STPG2: variants seen among roughly 807,000 people sequenced by gnomAD.
STPG2 encodes the protein sperm-tail PG-rich repeat-containing protein 2.
In STPG2, 56 loss-of-function variants were observed where a neutral mutation model predicts 54.2. That is an observed-to-expected ratio of 1.03 (90% CI 0.83 to 1.29). The LOEUF (loss-of-function observed/expected upper bound fraction) is 1.29, where lower values mean the gene tolerates loss of function less well. Ranked by LOEUF, STPG2 falls within the 50% of genes most tolerant of loss-of-function variation. The pLI is 0.00. For missense variants in STPG2, 596 were observed against 544.9 expected (o/e 1.09, Z -0.93); for synonymous variants, 200 against 181.8 (o/e 1.10, Z -0.81).
intron 9 of STPG2, among the ~76,000 whole-genome samples, chr4:97,819,000 AG>A (rs1728002574): frequency 2.0e-5 from 3 of 148,356 alleles, no homozygotes; most frequent in Non-Finnish European, 4.5e-5. Flanking sequence ...ATATATAAAA[AG>A]TGTCCAAAGA....
At chr4:97,464,770 A>G (rs1729749443) in intron 4 of STPG2, among the ~76,000 whole-genome samples, 1 of 152,182 alleles carries the variant, frequency 6.6e-6, no homozygotes, top group Non-Finnish European at 1.5e-5. Flanking sequence ...GAATTGAATT[A>G]TTCTTTAACA....
At chr4:97,662,056 G>A (rs142439837) in intron 10 of STPG2, among the ~76,000 whole-genome samples, 53 of 152,232 alleles carry the variant, frequency 3.5e-4, no homozygotes, top group African/African-American at 1.3e-3. Context: ...AAACTAAAAA[G>A]CATTTTCATG....
At chr4:97,815,022 G>A (rs577803494) in intron 9 of STPG2, among the ~76,000 whole-genome samples, 1 of 152,180 alleles carries the variant, frequency 6.6e-6, no homozygotes, top group South Asian at 2.1e-4. Flanking sequence ...CAATGCAAAA[G>A]CACAACCACC....
intron 9 of STPG2, among the ~76,000 whole-genome samples, chr4:97,750,428 CA>C (rs1461981179): frequency 6.6e-6 from 1 of 151,602 alleles, no homozygotes; most frequent in East Asian, 1.9e-4. Flanking sequence ...TGAGGAGTTT[CA>C]AATGATCTAA....
At chr4:98,038,346 T>C (rs529331052) in intron 5 of STPG2, among the ~76,000 whole-genome samples, 2 of 152,234 alleles carry the variant, frequency 1.3e-5, no homozygotes, top group Non-Finnish European at 2.9e-5. Context: ...AAAAATAGTG[T>C]GGTATTGGTT....
At chr4:98,086,507 ATTCAT>A (rs781504006) in intron 5 of STPG2, among the ~76,000 whole-genome samples, 4 of 152,050 alleles carry the variant, frequency 2.6e-5, no homozygotes, top group Admixed American at 1.3e-4. Flanking sequence ...ACCAAAACAA[ATTCAT>A]TTCATTTTTA....
intron 10 of STPG2, among the ~76,000 whole-genome samples, chr4:97,573,649 T>C (rs146822229): frequency 2.6e-5 from 4 of 152,126 alleles, no homozygotes; most frequent in African/African-American, 9.7e-5. Context: ...TTTAAAACAA[T>C]GATATTTGAA....
At chr4:97,744,792 A>G (rs1216771832) in intron 9 of STPG2, among the ~76,000 whole-genome samples, 1 of 151,460 alleles carries the variant, frequency 6.6e-6, no homozygotes, top group Non-Finnish European at 1.5e-5. Flanking sequence ...ATATACTGTA[A>G]TATTTTCAGA....
chr4:97,874,148 G>T (rs755694321), intron 8 of STPG2, among the ~76,000 whole-genome samples: 25 of 151,520 alleles, frequency 1.6e-4, no homozygotes, highest in Non-Finnish European at 3.0e-4. Context: ...AAAATAAAGG[G>T]TTAATTTTAA....
At chr4:97,536,421 C>T (rs762143547) in intron 4 of STPG2, among the ~76,000 whole-genome samples, 2 of 152,184 alleles carry the variant, frequency 1.3e-5, no homozygotes, top group Non-Finnish European at 1.5e-5. Context: ...TCCCCTTGAG[C>T]TCTGTCTCTC....
At chr4:97,675,645 T>C (rs1267505335) in intron 10 of STPG2, among the ~76,000 whole-genome samples, 1 of 151,878 alleles carries the variant, frequency 6.6e-6, no homozygotes, top group African/African-American at 2.4e-5. Context: ...TCTTCTTTGT[T>C]CTGTTTTGTT....
intron 9 of STPG2, among the ~76,000 whole-genome samples, chr4:97,829,082 C>T (rs757316437): frequency 6.6e-6 from 1 of 152,180 alleles, no homozygotes; most frequent in African/African-American, 2.4e-5. Context: ...GACTGGGAGA[C>T]ATCTCCGAGT....
At chr4:98,014,236 T>A (rs924100604) in intron 5 of STPG2, among the ~76,000 whole-genome samples, 1 of 152,252 alleles carries the variant, frequency 6.6e-6, no homozygotes, top group East Asian at 1.9e-4. Context: ...TACCCATGAG[T>A]CATTCAGGAG....
At chr4:97,450,128 A>C (rs930742481) in intron 4 of STPG2, among the ~76,000 whole-genome samples, 1 of 152,166 alleles carries the variant, frequency 6.6e-6, no homozygotes, top group Non-Finnish European at 1.5e-5. Context: ...ACTAAAGAGA[A>C]TTATACATAT....
At chr4:98,081,109 G>C (rs906350765) in intron 5 of STPG2, among the ~76,000 whole-genome samples, 2 of 152,182 alleles carry the variant, frequency 1.3e-5, no homozygotes, top group African/African-American at 4.8e-5. Flanking sequence ...TTCCAGATAA[G>C]AGAATCAACT....
At chr4:97,640,420 C>CATTTTTGTAG (rs1446811862) in intron 10 of STPG2, among the ~76,000 whole-genome samples, 1 of 151,678 alleles carries the variant, frequency 6.6e-6, no homozygotes, top group African/African-American at 2.4e-5. Context: ...AAAATTGGTA[C>CATTTTTGTAG]AGAAAAGTGA....
intron 4 of STPG2, among the ~76,000 whole-genome samples, chr4:97,500,710 G>C (rs1054409990): frequency 1.3e-5 from 2 of 152,048 alleles, no homozygotes; most frequent in Non-Finnish European, 2.9e-5. Flanking sequence ...TGAGTGTCAA[G>C]TGCTATGTTA....
At chr4:98,036,797 T>C (rs957252290) in intron 5 of STPG2, among the ~76,000 whole-genome samples, 1 of 152,016 alleles carries the variant, frequency 6.6e-6, no homozygotes, top group African/African-American at 2.4e-5. Context: ...CTTGTATCAC[T>C]GAACTTAAAA....
rs571732811 is a variant in STPG2 at position 97,889,690 on chromosome 4, G to C, written c.1045-48758C>G. 2.6e-5 allele frequency among the ~76,000 whole-genome samples: 4 copies of C among 152,284 alleles called. No homozygotes were observed. In the South Asian group the frequency reaches 8.3e-4, roughly 32 times the overall value. On this transcript the variant is annotated intron_variant, in intron 8 of 10. Transcript: ENST00000295268. Reference sequence around the variant, plus strand: ...AGGGAAAAAGTTTGGGGGAAAGAGAGTTTTGGGGACGTGCTGGTCAAATGC... The same window carrying C: ...AGGGAAAAAGTTTGGGGGAAAGAGACTTTTGGGGACGTGCTGGTCAAATGC...
Sources: allele counts gnomAD v4.1 joint callset (sites outside exome capture counted in the v4.1 genomes callset), GRCh38; gene constraint gnomAD v4.1.1; transcripts MANE v1.5; gene names NCBI Gene and HGNC (gene_info 2026-07-23, HGNC 2026-07-21).